Variants in ALDH2 observed in about 807,000 individuals in gnomAD.
ALDH2 encodes aldehyde dehydrogenase 2 family member.
Under a neutral mutation model 59.6 loss-of-function variants are expected in ALDH2, and 44 were observed. The ratio of observed to expected loss-of-function variants is 0.74; its 90% CI spans 0.58 to 0.95. ALDH2 has a LOEUF of 0.95. ALDH2 is among the 40% of genes least tolerant of loss of function. The pLI, the probability that ALDH2 is intolerant of heterozygous loss-of-function variation, is 0.00. For missense variants in ALDH2, 570 were observed against 696.3 expected (o/e 0.82, Z 2.04); for synonymous variants, 291 against 284.0 (o/e 1.02, Z -0.25).
At chr12:111,808,094 C>G (rs542556334) in intron 12 of ALDH2, among the ~76,000 whole-genome samples, 8 of 152,000 alleles carry the variant, frequency 5.3e-5, no homozygotes, top group Non-Finnish European at 8.8e-5. Flanking sequence ...AGGCTGATCT[C>G]GAACTCCTGG....
At chr12:111,796,750 A>G (rs1010289834) in intron 9 of ALDH2, among the ~76,000 whole-genome samples, 2 of 151,952 alleles carry the variant, frequency 1.3e-5, no homozygotes, top group African/African-American at 4.8e-5. Context: ...TACTAAAAAT[A>G]TAAAAATTAC....
rs537025752 is a variant in ALDH2, at chr12:111,802,753, A to G, written c.1407-1106A>G. 3.6e-3 allele frequency among the ~76,000 whole-genome samples: 541 copies of G among 150,162 alleles called. 2 individuals carry two copies. The highest frequency in any genetic ancestry group is 0.012 in the African/African-American group (496 of 40,730). ...AATTTAGCCGGGTGTGGTGGCGGGC[A>G]CCTGTAGTCCCAGCTACTCGGGAGG... On this transcript the variant is annotated intron_variant, in intron 11 of 12. Coordinates refer to ENST00000261733, the MANE Select transcript of ALDH2 (RefSeq NM_000690.4).
intron 1 of ALDH2, among the ~76,000 whole-genome samples, chr12:111,768,169 G>A (rs1486833445): frequency 6.6e-6 from 1 of 152,166 alleles, no homozygotes; most frequent in Non-Finnish European, 1.5e-5. Context: ...GCATAGTTGG[G>A]GTTCACAGCT....
intron 1 of ALDH2, among the ~76,000 whole-genome samples, chr12:111,780,370 G>A (rs1023921814): frequency 3.3e-5 from 5 of 152,108 alleles, no homozygotes; most frequent in Admixed American, 2.0e-4. Flanking sequence ...CTTGGGACCC[G>A]CCCTCCTCCC....
At position 111,767,038 on chromosome 12, in the gene ALDH2, C is replaced by A; in HGVS notation, c.56C>A (p.Ala19Asp). Reference sequence around the variant, plus strand: ...CGCCTGGGCCGCCGCCTCTTGTCAGCCGCCGCCACCCAGGCCGTGCCTGCC... The same window carrying A: ...CGCCTGGGCCGCCGCCTCTTGTCAGACGCCGCCACCCAGGCCGTGCCTGCC... Reference protein sequence around the residue: ...GPRLGRRLLSAAATQAVPAPN... With the variant: ...GPRLGRRLLSDAATQAVPAPN... Residue 19 changes from alanine to aspartate, a missense_variant, in exon 1 of 13, where the codon GCC (alanine) becomes GAC (aspartate). Ala to Asp is a moderately radical substitution (Grantham distance 126). Transcript: ENST00000261733. The A allele has an allele frequency of 6.5e-7, 1 of 1,527,336 alleles. No individual in the cohort carries two copies. 94.6% of individuals were successfully genotyped at this position (1,527,336 alleles called of 1,614,324 possible).
Position 111,814,470 on chromosome 12 carries a change from G to GCAGA in ALDH2, c.*4896_*4899dup, listed in dbSNP as rs2068557779. 6.6e-6 allele frequency: 1 copy of GCAGA among 151,282 alleles called. No homozygotes were observed. Among genetic ancestry groups the GCAGA allele is most frequent in the African/African-American group, 2.4e-5 (1 of 41,062 alleles). The allele number at this position is 151,282 out of a possible 1,614,324, so 9.4% of individuals were successfully genotyped here. ...CAGGAGAATTGGTTGAACCTGGGAG[G>GCAGA]CAGAGGTTGCAGTGAGCTAAGATCG... On this transcript the variant is annotated 3_prime_UTR_variant, in exon 13 of 13. Coordinates refer to ENST00000261733, the MANE Select transcript of ALDH2 (RefSeq NM_000690.4).
rs550574201 is a variant in ALDH2 at position 111,774,092 on chromosome 12, G to A, written c.114+6996G>A. On this transcript the variant is annotated intron_variant, in intron 1 of 12. Transcript: ENST00000261733. ...ACCGTAAGCAGAACAAGTTGAAACC[G>A]CGCCTGTCTGGCAAACAGTCCAAAG... is the stretch of plus-strand genomic sequence containing the variant. Among the ~76,000 whole-genome samples the A allele has an allele frequency of 7.2e-4, 110 of 152,274 alleles. 1 individual carries two copies. Among genetic ancestry groups the A allele is most frequent in the South Asian group, 2.1e-4 (1 of 4,830 alleles).
At position 111,783,258 on chromosome 12, in the gene ALDH2, G is replaced by A. The variant is rs141696414; in HGVS notation, c.320G>A (p.Arg107His). The A allele has an allele frequency of 2.6e-4, 427 of 1,612,520 alleles. No homozygotes were observed. The highest frequency in any genetic ancestry group is 3.5e-4 in the Non-Finnish European group (407 of 1,179,238). Residue 107 changes from arginine to histidine, a missense_variant, in exon 3 of 13, where the codon CGC (arginine) becomes CAC (histidine). By Grantham distance (29) the Arg-to-His change is conservative. Coordinates refer to ENST00000261733, the MANE Select transcript of ALDH2 (RefSeq NM_000690.4). ...DASHRGRLLN[R>H]LADLIERDRT... ...TCACACAGGGGCCGGCTGCTGAACC[G>A]CCTGGCCGATCTGATCGAGCGGGAC... is the stretch of plus-strand genomic sequence containing the variant.
At chr12:111,800,531 C>A (rs1191407169) in intron 11 of ALDH2, among the ~76,000 whole-genome samples, 2 of 152,146 alleles carry the variant, frequency 1.3e-5, no homozygotes, top group Non-Finnish European at 2.9e-5. Context: ...CTCAAGCAAT[C>A]CTCCCACCTC....
At chr12:111,779,272 A>G (rs2068254426) in intron 1 of ALDH2, among the ~76,000 whole-genome samples, 1 of 151,802 alleles carries the variant, frequency 6.6e-6, no homozygotes, top group South Asian at 2.1e-4. Flanking sequence ...TGCAGCCTCA[A>G]CCTCCCAGAC....
At chr12:111,770,345 T>A (rs1435905766) in intron 1 of ALDH2, among the ~76,000 whole-genome samples, 1 of 152,160 alleles carries the variant, frequency 6.6e-6, no homozygotes, top group Non-Finnish European at 1.5e-5. Context: ...CAAACTCCAT[T>A]TGATATGGAT....
At position 111,809,571 on chromosome 12, in the gene ALDH2, C is replaced by A. The variant is rs2068521237; in HGVS notation, c.1550C>A (p.Ser517Ter). Residue 517 changes from serine (S) to a stop codon, truncating the protein, a stop_gained, in exon 13 of 13, where the codon TCA (serine) becomes TAA (stop). Coordinates refer to ENST00000261733, the MANE Select transcript of ALDH2 (RefSeq NM_000690.4). LOFTEE classifies it high-confidence loss of function. ...TVTVKVPQKN[S>*] Reference sequence around the variant, plus strand: ...ACAGTCAAAGTGCCTCAGAAGAACTCATAAGAATCATGCAAGCTTCCTCCC... The same window carrying A: ...ACAGTCAAAGTGCCTCAGAAGAACTAATAAGAATCATGCAAGCTTCCTCCC... The A allele has an allele frequency of 6.2e-7, 1 of 1,614,154 alleles. No homozygotes were observed. Among genetic ancestry groups the A allele is most frequent in the Non-Finnish European group, 8.5e-7 (1 of 1,180,022 alleles).
At chr12:111,777,214 C>T (rs1001252768) in intron 1 of ALDH2, among the ~76,000 whole-genome samples, 1 of 152,206 alleles carries the variant, frequency 6.6e-6, no homozygotes, top group African/African-American at 2.4e-5. Context: ...CTGTGCCCAG[C>T]ATCCTCTGCT....
At chr12:111,803,019 T>C (rs1444262260) in intron 11 of ALDH2, among the ~76,000 whole-genome samples, 3 of 150,186 alleles carry the variant, frequency 2.0e-5, no homozygotes, top group Non-Finnish European at 4.4e-5. Context: ...GGTGAAACCC[T>C]GTCTCTACTA....
intron 11 of ALDH2, among the ~76,000 whole-genome samples, chr12:111,800,843 G>A (rs559804072): frequency 3.3e-5 from 5 of 152,162 alleles, no homozygotes; most frequent in Non-Finnish European, 5.9e-5. Context: ...AAAGAAAAAC[G>A]TGCTCCCACA....
chr12:111,777,937 C>T (rs996969645), intron 1 of ALDH2, among the ~76,000 whole-genome samples: 4 of 152,208 alleles, frequency 2.6e-5, no homozygotes, highest in Admixed American at 1.3e-4. Flanking sequence ...TACCCATGTT[C>T]TTCTCCGGTG....
chr12:111,782,983 T>C (rs535512021), intron 2 of ALDH2, among the ~76,000 whole-genome samples, 175 bp from the exon 3 acceptor site: 12 of 152,310 alleles, frequency 7.9e-5, no homozygotes, highest in African/African-American at 2.9e-4. Context: ...TTCAACCCCA[T>C]TGCTGAAGTC....
intron 11 of ALDH2, among the ~76,000 whole-genome samples, chr12:111,800,619 G>A (rs944244791): frequency 3.3e-5 from 5 of 152,124 alleles, no homozygotes; most frequent in East Asian, 1.9e-4. Flanking sequence ...TTTTTGTAGA[G>A]ATGAGATCTC....
intron 3 of ALDH2, among the ~76,000 whole-genome samples, chr12:111,783,583 C>T (rs1275570423): frequency 6.6e-6 from 1 of 152,198 alleles, no homozygotes; most frequent in Non-Finnish European, 1.5e-5. Context: ...CATCTCGGCT[C>T]ACTGCAACCT....
Sources: gnomAD v4.1 joint callset for allele counts (sites outside exome capture counted in the v4.1 genomes callset) on GRCh38, gnomAD v4.1.1 for gene constraint, MANE v1.5 for transcripts, NCBI Gene and HGNC (gene_info 2026-07-23, HGNC 2026-07-21) for gene names.